Variants in SRGAP3 observed in about 807,000 individuals in gnomAD.
SRGAP3 encodes SLIT-ROBO Rho GTPase activating protein 3, also known as SLIT-ROBO Rho GTPase-activating protein 3.
SRGAP3 carries 39 observed loss-of-function variants against 121.1 expected under a neutral mutation model. The observed-to-expected ratio is 0.32, with a 90% CI of 0.25 to 0.42. The LOEUF (loss-of-function observed/expected upper bound fraction) is 0.42, where lower values mean the gene tolerates loss of function less well. SRGAP3 is among the 10% of genes least tolerant of loss of function. The pLI is 1.00. For missense variants in SRGAP3, 1,213 were observed against 1,470.6 expected (o/e 0.82, Z 2.86); for synonymous variants, 601 against 570.0 (o/e 1.05, Z -0.77).
At chr3:8,992,711 A>G (rs911240633) in intron 20 of SRGAP3, 195 bp downstream of exon 20, 1 of 816,680 alleles carries the variant, frequency 1.2e-6, no homozygotes, top group Non-Finnish European at 2.0e-6. Flanking sequence ...TCCTCCCTGC[A>G]ACACAGGCTG....
At chr3:9,277,829 G>A (rs79803992) in intron 3 of SRGAP3, among the ~76,000 whole-genome samples, 296 of 152,162 alleles carry the variant, frequency 1.9e-3, no homozygotes, top group African/African-American at 6.7e-3. Flanking sequence ...TCCAAAATGT[G>A]TATGTTGAAA....
chr3:9,344,009 C>T (rs1352285064), intron 1 of SRGAP3, among the ~76,000 whole-genome samples: 2 of 152,200 alleles, frequency 1.3e-5, no homozygotes, highest in African/African-American at 4.8e-5. Context: ...GTATCAGTAA[C>T]ACTCATTATC....
rs559185962 is a variant in SRGAP3 at position 9,257,072 on chromosome 3, G to A, written n.442+68938C>T. 8 of 387,580 alleles carry A rather than the reference G, an allele frequency of 2.1e-5. 1 individual carries two copies. In the South Asian group the frequency reaches 1.2e-3, roughly 56 times the overall value. The allele number at this position is 387,580 out of a possible 1,614,324, so 24.0% of individuals were successfully genotyped here. A position where few individuals can be genotyped will look rare whatever the true frequency, so the allele number is the denominator to read the frequency against. ...CTTTATCTATTCCTCAGTTAGTTCA[G>A]AACCTAAATGGGAAAGAAAGGTGTT... On this transcript the variant is annotated intron_variant and non_coding_transcript_variant, in intron 3 of 3. Coordinates refer to the SRGAP3 transcript ENST00000490889.
At chr3:9,090,989 A>T (rs912329609) in intron 3 of SRGAP3, among the ~76,000 whole-genome samples, 1 of 152,014 alleles carries the variant, frequency 6.6e-6, no homozygotes, top group Non-Finnish European at 1.5e-5. Context: ...AAATAACTCA[A>T]AGACGGGTCA....
At chr3:9,284,235 T>C (rs1954728654) in intron 3 of SRGAP3, among the ~76,000 whole-genome samples, 1 of 152,122 alleles carries the variant, frequency 6.6e-6, no homozygotes. Flanking sequence ...AAGTGCTTTA[T>C]GTGTATTTCT....
In SRGAP3 at chr3:8,984,137, T is replaced by C. The variant is rs185234355; in HGVS notation, c.*1382A>G. The C allele has an allele frequency of 1.3e-4, 31 of 231,382 alleles. No individual in the cohort carries two copies. The highest frequency in any genetic ancestry group is 2.5e-3 in the Middle Eastern group (2 of 788). 14.3% of individuals were successfully genotyped at this position (231,382 alleles called of 1,614,324 possible). ...GTCACACGTGAAGATCATGCACCCA[T>C]TTCTATCACCACATTTTCATCTACA... On this transcript the variant is annotated 3_prime_UTR_variant, in exon 22 of 22. Transcript: ENST00000383836.
chr3:9,194,185 T>C (rs1363551149), intron 1 of SRGAP3: 1 of 152,218 alleles, frequency 6.6e-6, no homozygotes, highest in African/African-American at 2.4e-5. Context: ...GGGACCCTGA[T>C]GTAGCAAGAG....
chr3:9,290,557 GTTT>G (rs1206319660), intron 3 of SRGAP3, among the ~76,000 whole-genome samples: 1 of 152,158 alleles, frequency 6.6e-6, no homozygotes, highest in Non-Finnish European at 1.5e-5. Flanking sequence ...GGTTCATAAA[GTTT>G]TTTATATTAT....
chr3:9,169,911 C>T (rs557121246), intron 1 of SRGAP3, among the ~76,000 whole-genome samples: 2 of 152,258 alleles, frequency 1.3e-5, no homozygotes, highest in Admixed American at 6.5e-5. Context: ...TCATGGTCCC[C>T]TTTCCTGAGC....
chr3:9,196,413 T>C (rs1037692349), intron 1 of SRGAP3, among the ~76,000 whole-genome samples: 5 of 152,244 alleles, frequency 3.3e-5, no homozygotes, highest in Non-Finnish European at 7.3e-5. Flanking sequence ...CTTTGGATCA[T>C]TTACTGCCAC....
At chr3:9,194,628 C>A (rs1024005028) in intron 1 of SRGAP3, among the ~76,000 whole-genome samples, 10 of 152,176 alleles carry the variant, frequency 6.6e-5, no homozygotes, top group Non-Finnish European at 1.5e-4. Context: ...ATCTGATCCC[C>A]TATTTTCATG....
intron 3 of SRGAP3, among the ~76,000 whole-genome samples, chr3:9,321,476 G>A (rs1323486559): frequency 6.6e-6 from 1 of 151,910 alleles, no homozygotes; most frequent in East Asian, 1.9e-4. Flanking sequence ...ATAGTTGTCT[G>A]GAGAAGGATG....
At chr3:9,084,383 G>A (rs975574216) in intron 3 of SRGAP3, among the ~76,000 whole-genome samples, 7 of 152,040 alleles carry the variant, frequency 4.6e-5, no homozygotes, top group African/African-American at 1.7e-4. Flanking sequence ...AGACTTCTGT[G>A]GTCAAATGGA....
intron 1 of SRGAP3, chr3:9,216,656 T>C (rs1254308426): frequency 2.6e-5 from 4 of 152,554 alleles, no homozygotes; most frequent in Non-Finnish European, 5.9e-5. Flanking sequence ...GGCTCCGATG[T>C]AATGGATGAG....
At position 9,017,992 on chromosome 3, in the gene SRGAP3, C is replaced by T. The variant is rs538671884; in HGVS notation, c.1679-2261G>A. Among the ~76,000 whole-genome samples, 36 of 152,298 alleles carry T rather than the reference C, an allele frequency of 2.4e-4. No homozygotes were observed. In the South Asian group the frequency reaches 7.3e-3, roughly 31 times the overall value. On this transcript the variant is annotated intron_variant, in intron 14 of 21. Transcript: ENST00000383836. ...TCTATGTCTGTACCCACTAACCAACCTCTTTTCATTCTCCACTCCCACTCA... is the reference window on the plus strand; with the variant it reads ...TCTATGTCTGTACCCACTAACCAACTTCTTTTCATTCTCCACTCCCACTCA...
chr3:9,277,356 T>G (rs1445346467), intron 3 of SRGAP3, among the ~76,000 whole-genome samples: 1 of 151,948 alleles, frequency 6.6e-6, no homozygotes, highest in African/African-American at 2.4e-5. Context: ...TCCCAGCAGT[T>G]TGGGAGGCCA....
intron 3 of SRGAP3, among the ~76,000 whole-genome samples, chr3:9,276,972 T>G (rs540387171): frequency 6.6e-6 from 1 of 152,306 alleles, no homozygotes; most frequent in East Asian, 1.9e-4. Flanking sequence ...ACCAGCACGT[T>G]TGGGTTGAAT....
intron 3 of SRGAP3, among the ~76,000 whole-genome samples, chr3:9,306,965 A>C (rs1955170804): frequency 6.6e-6 from 1 of 152,044 alleles, no homozygotes; most frequent in South Asian, 2.1e-4. Flanking sequence ...CTCTTTACAC[A>C]CTTGTATGAC....
At chr3:9,009,273 A>G (rs1474110147) in intron 18 of SRGAP3, among the ~76,000 whole-genome samples, 1 of 152,166 alleles carries the variant, frequency 6.6e-6, no homozygotes, top group Non-Finnish European at 1.5e-5. Flanking sequence ...TGTGGTGGCC[A>G]ACGTGTCCTG....
Sources: gnomAD v4.1 joint callset for allele counts (sites outside exome capture counted in the v4.1 genomes callset) on GRCh38, gnomAD v4.1.1 for gene constraint, MANE v1.5 for transcripts, NCBI Gene and HGNC (gene_info 2026-07-23, HGNC 2026-07-21) for gene names.